PLA2G5: variants seen among roughly 807,000 people sequenced by gnomAD.
PLA2G5 encodes Ca2+-dependent phospholipase A2.
PLA2G5 carries 12 observed loss-of-function variants against 15.9 expected under a neutral mutation model. The ratio of observed to expected loss-of-function variants is 0.76; its 90% confidence interval spans 0.48 to 1.23. The LOEUF (loss-of-function observed/expected upper bound fraction) is 1.23, where lower values mean the gene tolerates loss of function less well. Ranked by LOEUF, PLA2G5 falls within the 50% of genes most tolerant of loss-of-function variation. The pLI, the probability that PLA2G5 is intolerant of heterozygous loss-of-function variation, is 0.00. For missense variants in PLA2G5, 169 were observed against 177.1 expected (o/e 0.95, Z 0.26); for synonymous variants, 71 against 71.4 (o/e 0.99, Z 0.03).
At chr1:20,075,328 A>C (rs554807023) in intron 1 of PLA2G5, among the ~76,000 whole-genome samples, 182 of 152,270 alleles carry the variant, frequency 1.2e-3, no homozygotes, top group African/African-American at 4.1e-3. Context: ...CCTTCCCACC[A>C]TTCCTGAATT....
At chr1:20,029,634 C>T (rs529321976) in intron 1 of PLA2G5, among the ~76,000 whole-genome samples, 1 of 152,290 alleles carries the variant, frequency 6.6e-6, no homozygotes, top group Admixed American at 6.5e-5. Flanking sequence ...CCATGCCTTC[C>T]TCTACCCAGC....
chr1:20,073,751 T>G (rs2015514267), intron 1 of PLA2G5, among the ~76,000 whole-genome samples: 1 of 151,842 alleles, frequency 6.6e-6, no homozygotes, highest in South Asian at 2.1e-4. Context: ...AGCGTGGTAA[T>G]CCCAGCTACT....
At chr1:20,076,781 A>C (rs900782413) in intron 1 of PLA2G5, 1 of 152,290 alleles carries the variant, frequency 6.6e-6, no homozygotes, top group African/African-American at 2.4e-5. Flanking sequence ...AGTGGACAGC[A>C]TATCAGATGA....
chr1:20,072,647 GGGGAGACAGGT>G (rs1423131099), intron 1 of PLA2G5, among the ~76,000 whole-genome samples: 1 of 152,194 alleles, frequency 6.6e-6, no homozygotes, highest in Non-Finnish European at 1.5e-5. Context: ...TGTCCTGTGA[GGGGAGACAGGT>G]GCCTCTGACT....
chr1:20,067,090 G>A (rs1002713613), upstream of PLA2G5, among the ~76,000 whole-genome samples: 1 of 152,078 alleles, frequency 6.6e-6, no homozygotes, highest in African/African-American at 2.4e-5. Flanking sequence ...CTGCCTGTGA[G>A]GCTCAAGCGA....
intron 1 of PLA2G5, among the ~76,000 whole-genome samples, chr1:20,056,861 G>T (rs1326721235): frequency 1.3e-5 from 2 of 152,138 alleles, no homozygotes; most frequent in South Asian, 2.1e-4. Context: ...TTCTATTTTA[G>T]AAGGTTATTA....
intron 1 of PLA2G5, among the ~76,000 whole-genome samples, chr1:20,047,206 A>G (rs1239126153): frequency 6.6e-6 from 1 of 152,212 alleles, no homozygotes; most frequent in Non-Finnish European, 1.5e-5. Flanking sequence ...CCCTCTCTGA[A>G]GTCCTAGACC....
chr1:20,090,486 G>A lies in PLA2G5; in HGVS notation c.293-82G>A, dbSNP rs1026641024. On this transcript the variant is annotated intron_variant, in intron 4 of 4. Transcript: ENST00000375108. ...TCTTCCATCAGGCTGAAAGCTCCTC[G>A]GAGCAGGAAGTCCATGGGGTCTCTG... The A allele has an allele frequency of 1.4e-5, 20 of 1,446,202 alleles. No homozygotes were observed. The Middle Eastern group carries it at 5.6e-4, about 41-fold the overall frequency. The allele number at this position is 1,446,202 out of a possible 1,614,324, so 89.6% of individuals were successfully genotyped here. A position where few individuals can be genotyped will look rare whatever the true frequency, so the allele number is the denominator to read the frequency against.
At chr1:20,039,118 T>C (rs2013445153) in intron 1 of PLA2G5, among the ~76,000 whole-genome samples, 1 of 152,128 alleles carries the variant, frequency 6.6e-6, no homozygotes, top group Non-Finnish European at 1.5e-5. Flanking sequence ...TGGATGTAGG[T>C]TGTCCATCGA....
At position 20,039,384 on chromosome 1, in the gene PLA2G5, C is replaced by G. The variant is rs1338549383; in HGVS notation, n.276+10675C>G. Among the ~76,000 whole-genome samples, 5 of 152,076 alleles carry G rather than the reference C, an allele frequency of 3.3e-5. No homozygotes were observed. The East Asian group carries it at 7.7e-4, about 23-fold the overall frequency. ...CAGGGTTTCTTCAAGCTTCCAAAAGCAATGTTATATCTGGCCCAGTAATGT... is the reference window on the plus strand; with the variant it reads ...CAGGGTTTCTTCAAGCTTCCAAAAGGAATGTTATATCTGGCCCAGTAATGT... On this transcript the variant is annotated intron_variant and non_coding_transcript_variant, in intron 1 of 6. Transcript: ENST00000460175.
Position 20,077,603 on chromosome 1 carries a change from G to A in PLA2G5, c.-11+7138G>A, listed in dbSNP as rs11573225. The stretch of plus-strand genomic sequence containing the variant: ...ATATTTATGGTAGTTATGACTTACT[G>A]AGCACCTACAGGGTGCCAGGCACTG... On this transcript the variant is annotated intron_variant, in intron 1 of 4. Coordinates refer to ENST00000375108, the MANE Select transcript of PLA2G5 (RefSeq NM_000929.3). 1.1e-4 allele frequency among the ~76,000 whole-genome samples: 17 copies of A among 152,310 alleles called. No homozygotes were observed. The South Asian group carries it at 3.1e-3, about 28-fold the overall frequency.
At chr1:20,087,433 G>GC (rs1420603208) in intron 3 of PLA2G5, among the ~76,000 whole-genome samples, 2 of 151,556 alleles carry the variant, frequency 1.3e-5, no homozygotes, top group African/African-American at 4.9e-5. Flanking sequence ...TTGCTCTGTC[G>GC]CCCAGGCTGG....
At chr1:20,048,143 C>G (rs928553409) in intron 1 of PLA2G5, among the ~76,000 whole-genome samples, 1 of 151,818 alleles carries the variant, frequency 6.6e-6, no homozygotes, top group African/African-American at 2.4e-5. Flanking sequence ...AATTAATTGG[C>G]TTAAGAAAAT....
intron 1 of PLA2G5, among the ~76,000 whole-genome samples, chr1:20,039,958 A>T (rs1329742644): frequency 6.6e-6 from 1 of 152,226 alleles, no homozygotes; most frequent in Admixed American, 6.5e-5. Context: ...TCTCACCACC[A>T]AACTATTCAC....
chr1:20,090,479 G>A, intron 4 of PLA2G5, 89 bp from the exon 5 acceptor site: 3 of 1,364,184 alleles, frequency 2.2e-6, no homozygotes, highest in Non-Finnish European at 3.1e-6. Context: ...CAGGCTGAAA[G>A]CTCCTCGGAG....
Position 20,090,996 on chromosome 1 carries a change from C to A in PLA2G5, c.*304C>A. The A allele has an allele frequency of 3.6e-6, 1 of 280,506 alleles. No homozygotes were observed. The highest frequency in any genetic ancestry group is 6.7e-6 in the Non-Finnish European group (1 of 148,344). 17.4% of individuals were successfully genotyped at this position (280,506 alleles called of 1,614,324 possible). ...TGTCTCTTTTCTTCTCTGAAGACAG[C>A]GTCCTGGCTCCAGTTGGAACACTTT... On this transcript the variant is annotated 3_prime_UTR_variant, in exon 5 of 5. Coordinates refer to ENST00000375108, the MANE Select transcript of PLA2G5 (RefSeq NM_000929.3).
chr1:20,090,253 TTCTGC>T (rs1255008289), intron 4 of PLA2G5, among the ~76,000 whole-genome samples: 1 of 152,106 alleles, frequency 6.6e-6, no homozygotes, highest in African/African-American at 2.4e-5. Context: ...CTGGGGATGG[TTCTGC>T]TCTATGAGAA....
chr1:20,088,324 C>G (rs1196055011), intron 3 of PLA2G5, among the ~76,000 whole-genome samples: 1 of 151,362 alleles, frequency 6.6e-6, no homozygotes, highest in Non-Finnish European at 1.5e-5. Flanking sequence ...CGCGCCATTG[C>G]ACTCCAGCCT....
intron 1 of PLA2G5, among the ~76,000 whole-genome samples, chr1:20,056,029 G>C (rs556393230): frequency 1.3e-5 from 2 of 152,064 alleles, no homozygotes; most frequent in Non-Finnish European, 2.9e-5. Flanking sequence ...CCAGCCTCCT[G>C]GTATCTGTCC....
Sources: gnomAD v4.1 joint callset for allele counts (sites outside exome capture counted in the v4.1 genomes callset) on GRCh38, gnomAD v4.1.1 for gene constraint, MANE v1.5 for transcripts, NCBI Gene and HGNC (gene_info 2026-07-23, HGNC 2026-07-21) for gene names.